NCKAP5: variants seen among roughly 807,000 people sequenced by gnomAD.
NCKAP5 encodes the protein NCK associated protein 5.
Under a neutral mutation model 167.0 loss-of-function variants are expected in NCKAP5, and 92 were observed. The ratio of observed to expected loss-of-function variants is 0.55; its 90% confidence interval spans 0.47 to 0.66. The LOEUF is 0.66. NCKAP5 is among the 30% of genes least tolerant of loss of function. NCKAP5 has a pLI of 0.00. For synonymous variants in NCKAP5, 891 were observed against 877.4 expected (o/e 1.02, Z -0.27); for missense variants, 2,378 against 2,315.0 (o/e 1.03, Z -0.56).
chr2:132,798,539 A>C (rs1486856516), intron 11 of NCKAP5, among the ~76,000 whole-genome samples: 1 of 152,246 alleles, frequency 6.6e-6, no homozygotes, highest in Non-Finnish European at 1.5e-5. Flanking sequence ...TCAATGGATT[A>C]GCTATCTAAA....
rs201911432 is a variant in NCKAP5, at chr2:132,999,960, T to C, written c.342-5721A>G. ...CTGATAACTGATAGGGTTCATTCAA[T>C]TGAAGGCTGAACCAAATTAAATTTT... is the stretch of plus-strand genomic sequence containing the variant. On this transcript the variant is annotated intron_variant, in intron 6 of 19. Coordinates refer to ENST00000409261, the MANE Select transcript of NCKAP5 (RefSeq NM_207363.3). 1.2e-3 allele frequency among the ~76,000 whole-genome samples: 186 copies of C among 152,358 alleles called. 1 individual carries two copies. Among genetic ancestry groups the C allele is most frequent in the African/African-American group, 4.3e-3 (179 of 41,598 alleles).
chr2:133,033,535 T>C (rs1006880533), intron 6 of NCKAP5, among the ~76,000 whole-genome samples: 1 of 152,000 alleles, frequency 6.6e-6, no homozygotes, highest in Admixed American at 6.6e-5. Flanking sequence ...GAGACCAAAC[T>C]TGGAGAAACA....
chr2:133,097,591 G>A (rs1387937323), intron 6 of NCKAP5, among the ~76,000 whole-genome samples: 1 of 152,180 alleles, frequency 6.6e-6, no homozygotes, highest in Admixed American at 6.5e-5. Flanking sequence ...AGAAAGAAAG[G>A]AAAATGCAAG....
In NCKAP5 at chr2:132,767,898, G is replaced by A. The variant is rs1681657671; in HGVS notation, c.5128+5918C>T. On this transcript the variant is annotated intron_variant, in intron 16 of 19. Coordinates refer to ENST00000409261, the MANE Select transcript of NCKAP5 (RefSeq NM_207363.3). ...AGGCAGTATCAGTTTCTCAAGTAGG[G>A]AGAAGAGCACCTCACAGACAACTTC... Among the ~76,000 whole-genome samples the A allele has an allele frequency of 3.3e-5, 5 of 152,320 alleles. No individual in the cohort carries two copies. In the South Asian group the frequency reaches 1.0e-3, roughly 32 times the overall value.
chr2:133,535,084 A>C (rs1330214989), intron 2 of NCKAP5, among the ~76,000 whole-genome samples: 1 of 152,186 alleles, frequency 6.6e-6, no homozygotes, highest in Non-Finnish European at 1.5e-5. Context: ...CGAATGACTA[A>C]TAATGTTCAG....
intron 3 of NCKAP5, among the ~76,000 whole-genome samples, chr2:133,435,335 T>C (rs1032378047): frequency 6.6e-5 from 10 of 152,200 alleles, no homozygotes; most frequent in African/African-American, 2.4e-4. Flanking sequence ...ATTTTTTTAA[T>C]CCCTGTGTTT....
chr2:132,762,877 C>T (rs1453722227), intron 16 of NCKAP5, among the ~76,000 whole-genome samples: 1 of 152,174 alleles, frequency 6.6e-6, no homozygotes, highest in Admixed American at 6.6e-5. Flanking sequence ...CCACTGGGGA[C>T]TTTCACTCAA....
intron 11 of NCKAP5, among the ~76,000 whole-genome samples, chr2:132,855,471 C>T (rs1479643176): frequency 1.3e-5 from 2 of 152,338 alleles, no homozygotes; most frequent in Non-Finnish European, 2.9e-5. Context: ...GGACTGGAGG[C>T]GCCTCCATGG....
chr2:133,572,077 T>C (rs1339871873), upstream of NCKAP5, among the ~76,000 whole-genome samples: 3 of 152,110 alleles, frequency 2.0e-5, no homozygotes, highest in African/African-American at 4.8e-5. Context: ...CAGGGAGATA[T>C]GTTCCTGAAC....
At chr2:133,108,242 A>T (rs560146996) in intron 6 of NCKAP5, among the ~76,000 whole-genome samples, 1 of 152,336 alleles carries the variant, frequency 6.6e-6, no homozygotes, top group East Asian at 1.9e-4. Context: ...ATACCTGTCA[A>T]GACAACAGGC....
At chr2:133,202,907 T>C (rs1410567749) in intron 5 of NCKAP5, among the ~76,000 whole-genome samples, 2 of 152,148 alleles carry the variant, frequency 1.3e-5, no homozygotes, top group South Asian at 2.1e-4. Context: ...CTGGAGAGGA[T>C]GTGGAGAAAT....
At chr2:133,000,456 T>C (rs977395892) in intron 6 of NCKAP5, among the ~76,000 whole-genome samples, 1 of 152,158 alleles carries the variant, frequency 6.6e-6, no homozygotes, top group African/African-American at 2.4e-5. Flanking sequence ...AGGACCAGCA[T>C]ACTTCCCATA....
chr2:133,242,252 TTCTTTTC>T (rs1559308000), intron 4 of NCKAP5, among the ~76,000 whole-genome samples: 3,688 of 149,948 alleles, frequency 0.025, 146 homozygotes, highest in African/African-American at 0.087. Context: ...TTCTTTTCTT[TTCTTTTC>T]TTTTTTTTTT....
At chr2:133,082,345 G>A (rs1056407698) in intron 6 of NCKAP5, among the ~76,000 whole-genome samples, 10 of 152,088 alleles carry the variant, frequency 6.6e-5, no homozygotes, top group Admixed American at 1.3e-4. Flanking sequence ...ACACACATCT[G>A]GTGAATACAA....
At chr2:132,898,778 C>T (rs1693399655) in intron 8 of NCKAP5, among the ~76,000 whole-genome samples, 1 of 152,166 alleles carries the variant, frequency 6.6e-6, no homozygotes, top group Admixed American at 6.5e-5. Flanking sequence ...CAAAAGTAGA[C>T]TTATTAGTAA....
the NCKAP5 span, among the ~76,000 whole-genome samples, chr2:133,623,529 G>T: frequency 6.6e-6 from 1 of 151,902 alleles, no homozygotes; most frequent in Non-Finnish European, 1.5e-5. Context: ...CATAAAAATG[G>T]CCAACAAGCA....
At chr2:132,971,332 G>A (rs1195113725) in intron 7 of NCKAP5, among the ~76,000 whole-genome samples, 1 of 152,186 alleles carries the variant, frequency 6.6e-6, no homozygotes, top group Non-Finnish European at 1.5e-5. Flanking sequence ...GAGAAGAGGG[G>A]AGGGCAACTG....
At chr2:133,422,922 C>T (rs920204529) in intron 3 of NCKAP5, among the ~76,000 whole-genome samples, 1 of 152,028 alleles carries the variant, frequency 6.6e-6, no homozygotes, top group Non-Finnish European at 1.5e-5. Context: ...ACAAAGACCC[C>T]CATTTATGTG....
intron 4 of NCKAP5, among the ~76,000 whole-genome samples, chr2:133,270,011 T>C (rs1253993918): frequency 1.3e-5 from 2 of 152,122 alleles, no homozygotes; most frequent in East Asian, 3.8e-4. Context: ...AGAAAGACTA[T>C]GGGTGGAGCA....
Sources: gnomAD v4.1 joint callset for allele counts (sites outside exome capture counted in the v4.1 genomes callset) on GRCh38, gnomAD v4.1.1 for gene constraint, MANE v1.5 for transcripts, NCBI Gene and HGNC (gene_info 2026-07-23, HGNC 2026-07-21) for gene names.